Variants in KIAA1217 observed in about 807,000 individuals in gnomAD.
The protein encoded by KIAA1217 is sickle tail protein homolog.
A neutral mutation model predicts 163.9 loss-of-function variants in KIAA1217; 88 were observed. That is an observed-to-expected ratio of 0.54 (90% confidence interval 0.45 to 0.64). KIAA1217 has a LOEUF of 0.64. KIAA1217 is among the 30% of genes least tolerant of loss of function. The pLI is 0.00. For missense variants in KIAA1217, 2,372 were observed against 2,475.0 expected (o/e 0.96, Z 0.88); for synonymous variants, 903 against 923.1 (o/e 0.98, Z 0.39).
chr10:24,176,872 G>T (rs77597155), intron 2 of KIAA1217, among the ~76,000 whole-genome samples: 3 of 145,054 alleles, frequency 2.1e-5, no homozygotes, highest in African/African-American at 8.6e-5. Flanking sequence ...CCTGCCCCAC[G>T]GGGAGGCAGC....
At chr10:24,276,129 G>T (rs925150096) in intron 2 of KIAA1217, among the ~76,000 whole-genome samples, 2 of 152,062 alleles carry the variant, frequency 1.3e-5, no homozygotes, top group Non-Finnish European at 2.9e-5. Flanking sequence ...AATTGAATTG[G>T]GCTACAAGGT....
intron 2 of KIAA1217, among the ~76,000 whole-genome samples, chr10:24,120,112 G>T (rs537240443): frequency 6.6e-6 from 1 of 152,216 alleles, no homozygotes; most frequent in South Asian, 2.1e-4. Context: ...CCTTGTTACT[G>T]GTTAGCCCTT....
At chr10:24,210,131 G>A (rs1426491113) in intron 1 of KIAA1217, among the ~76,000 whole-genome samples, 1 of 145,096 alleles carries the variant, frequency 6.9e-6, no homozygotes, top group Non-Finnish European at 1.5e-5. Context: ...ACAAAAAGAC[G>A]TGCGGGAGTG....
At chr10:24,232,442 G>T (rs886131441) in intron 2 of KIAA1217, among the ~76,000 whole-genome samples, 2 of 152,130 alleles carry the variant, frequency 1.3e-5, no homozygotes, top group Admixed American at 6.5e-5. Context: ...AGCTCTGCAA[G>T]AAATCAAAAT....
At chr10:23,910,066 G>A (rs557937305) in intron 1 of KIAA1217, among the ~76,000 whole-genome samples, 48 of 152,082 alleles carry the variant, frequency 3.2e-4, no homozygotes, top group African/African-American at 1.1e-3. Flanking sequence ...ACCAAACACC[G>A]CGTGTTCTCA....
rs540414871 is a variant in KIAA1217, at chr10:24,086,233, G to C, written c.-171+78859G>C. Among the ~76,000 whole-genome samples the C allele has an allele frequency of 2.6e-5, 4 of 152,280 alleles. No individual in the cohort carries two copies. The East Asian group carries it at 7.7e-4, about 29-fold the overall frequency. On this transcript the variant is annotated intron_variant, in intron 2 of 18. Transcript: ENST00000376462. ...ACTCTGAAAAGGAGCCTCAACAAAG[G>C]GAGGCTTTTATCTAGGGTCAGCTCT...
At chr10:23,935,880 C>T (rs377439856) in intron 1 of KIAA1217, among the ~76,000 whole-genome samples, 6 of 152,236 alleles carry the variant, frequency 3.9e-5, no homozygotes, top group African/African-American at 1.2e-4. Flanking sequence ...GGATAAATGT[C>T]AGGGTCCCAA....
intron 1 of KIAA1217, among the ~76,000 whole-genome samples, chr10:23,977,601 A>G (rs1192861422): frequency 6.6e-6 from 1 of 152,226 alleles, no homozygotes; most frequent in Non-Finnish European, 1.5e-5. Flanking sequence ...AAAGTAAAAC[A>G]GTTGGAAAAG....
chr10:23,705,579 T>C (rs1159005480), intron 1 of KIAA1217, among the ~76,000 whole-genome samples: 1 of 152,194 alleles, frequency 6.6e-6, no homozygotes, highest in African/African-American at 2.4e-5. Context: ...GGGGTCTTAA[T>C]GTTATTTTAT....
Position 23,924,880 on chromosome 10 carries a change from G to GA in KIAA1217, c.-320-82336dup, listed in dbSNP as rs59958755. ...CTAGGATGTGGCGTTAGCTGTTATG[G>GA]AAAAAAAAATAATGAATTTAGAAAT... On this transcript the variant is annotated intron_variant, in intron 1 of 18. Transcript: ENST00000376462. 3.1e-3 allele frequency among the ~76,000 whole-genome samples: 461 copies of GA among 149,604 alleles called. 4 individuals are homozygous for GA. The highest frequency in any genetic ancestry group is 4.3e-3 in the Non-Finnish European group (290 of 67,248).
chr10:24,207,282 T>TCACACACACACACACA (rs71397934), upstream of KIAA1217, among the ~76,000 whole-genome samples: 51 of 140,224 alleles, frequency 3.6e-4, no homozygotes, highest in African/African-American at 1.3e-3. Flanking sequence ...TCTCTCTCTC[T>TCACACACACACACACA]CACACACACA....
At chr10:23,773,113 G>T (rs1405615214) in intron 1 of KIAA1217, among the ~76,000 whole-genome samples, 1 of 152,090 alleles carries the variant, frequency 6.6e-6, no homozygotes, top group Non-Finnish European at 1.5e-5. Flanking sequence ...AACAGGGATG[G>T]GCTGGAGAGA....
chr10:24,141,749 G>A (rs376099607), intron 2 of KIAA1217, among the ~76,000 whole-genome samples: 8 of 152,106 alleles, frequency 5.3e-5, no homozygotes, highest in East Asian at 1.9e-4. Context: ...ATCACAACCC[G>A]TAGATAAGGC....
intron 9 of KIAA1217, among the ~76,000 whole-genome samples, chr10:24,506,285 T>C (rs535035278): frequency 2.0e-5 from 3 of 152,242 alleles, no homozygotes; most frequent in African/African-American, 7.2e-5. Context: ...ATGTCACTGC[T>C]AGACAGCAAA....
intron 1 of KIAA1217, among the ~76,000 whole-genome samples, chr10:23,985,493 A>G (rs1214631260): frequency 6.6e-6 from 1 of 152,148 alleles, no homozygotes; most frequent in Non-Finnish European, 1.5e-5. Flanking sequence ...GACTTACCAA[A>G]TGGCTTGACA....
At position 24,253,719 on chromosome 10, in the gene KIAA1217, G is replaced by A. The variant is rs112911526; in HGVS notation, c.354+33810G>A. Among the ~76,000 whole-genome samples the A allele has an allele frequency of 9.2e-4, 140 of 151,604 alleles. 1 individual carries two copies. The highest frequency in any genetic ancestry group is 3.2e-3 in the African/African-American group (131 of 41,352). On this transcript the variant is annotated intron_variant, in intron 2 of 20. Transcript: ENST00000376454. ...TGCAATCCAGCCTGGGCAACACAGC[G>A]GGACTCTGTCTCCAAAGAAAAAAAA...
At chr10:23,862,853 C>G (rs1488587744) in intron 1 of KIAA1217, among the ~76,000 whole-genome samples, 2 of 152,016 alleles carry the variant, frequency 1.3e-5, no homozygotes, top group Non-Finnish European at 2.9e-5. Context: ...TTCTTCTTGC[C>G]TTGATGCTAC....
intron 1 of KIAA1217, among the ~76,000 whole-genome samples, chr10:23,814,751 T>C (rs1055434105): frequency 6.6e-6 from 1 of 152,178 alleles, no homozygotes; most frequent in African/African-American, 2.4e-5. Flanking sequence ...TAGCATGACA[T>C]TTTTCTGTTC....
At chr10:24,384,828 A>C (rs2053800416) in intron 3 of KIAA1217, among the ~76,000 whole-genome samples, 1 of 152,262 alleles carries the variant, frequency 6.6e-6, no homozygotes, top group Middle Eastern at 3.4e-3. Context: ...GAGCCACCAC[A>C]CCCACCTGCT....
Sources: allele counts gnomAD v4.1 joint callset (sites outside exome capture counted in the v4.1 genomes callset), GRCh38; gene constraint gnomAD v4.1.1; transcripts MANE v1.5; gene names NCBI Gene and HGNC (gene_info 2026-07-23, HGNC 2026-07-21).